Variants in ZNF212 observed in about 807,000 individuals in gnomAD.
The protein encoded by ZNF212 is zinc finger protein 212, also known as Zinc finger protein C2H2-150.
In ZNF212, 32 loss-of-function variants were observed where a neutral mutation model predicts 47.3. That is an observed-to-expected ratio of 0.68 (90% CI 0.51 to 0.91). The LOEUF (loss-of-function observed/expected upper bound fraction) is 0.91. Among genes scored for constraint, ZNF212 ranks in the 40% least tolerant of loss-of-function variants. ZNF212 has a pLI of 0.00. For synonymous variants in ZNF212, 242 were observed against 253.8 expected (o/e 0.95, Z 0.44); for missense variants, 555 against 622.8 (o/e 0.89, Z 1.16).
chr7:149,249,606 A>C (rs1796724183), intron 1 of ZNF212, among the ~76,000 whole-genome samples: 1 of 152,150 alleles, frequency 6.6e-6, no homozygotes, highest in South Asian at 2.1e-4. Flanking sequence ...TTAGAAATAC[A>C]CCAAAATTCA....
At position 149,254,562 on chromosome 7, in the gene ZNF212, C is replaced by T; in HGVS notation, c.*147C>T. Reference sequence around the variant, plus strand: ...CCCAGTACCAAGCCAAGCCCAAAGGCTGTCCTGAAAACCCTGTGGAAGAAG... The same window carrying T: ...CCCAGTACCAAGCCAAGCCCAAAGGTTGTCCTGAAAACCCTGTGGAAGAAG... On this transcript the variant is annotated 3_prime_UTR_variant, in exon 5 of 5. Coordinates refer to ENST00000335870, the MANE Select transcript of ZNF212 (RefSeq NM_012256.4). The surrounding 1 kb of genome is among the most constrained non-coding windows in gnomAD (Gnocchi z 4.5). The T allele has an allele frequency of 1.6e-6, 2 of 1,266,544 alleles. No individual in the cohort carries two copies. Among genetic ancestry groups the T allele is most frequent in the Non-Finnish European group, 2.1e-6 (2 of 948,682 alleles). 78.5% of individuals were successfully genotyped at this position (1,266,544 alleles called of 1,614,324 possible).
At chr7:149,252,056 G>T (rs1311226879) in intron 3 of ZNF212, among the ~76,000 whole-genome samples, 1 of 151,962 alleles carries the variant, frequency 6.6e-6, no homozygotes, top group East Asian at 1.9e-4. Flanking sequence ...ATTATAGCTG[G>T]TCATTGTGGT....
At chr7:149,240,791 C>T (rs1796576699) in intron 1 of ZNF212, among the ~76,000 whole-genome samples, 1 of 152,182 alleles carries the variant, frequency 6.6e-6, no homozygotes, top group Non-Finnish European at 1.5e-5. Context: ...GAATGGAGGG[C>T]TAAGGAAATT....
At chr7:149,241,469 A>G (rs995556465) in intron 1 of ZNF212, among the ~76,000 whole-genome samples, 4 of 151,612 alleles carry the variant, frequency 2.6e-5, no homozygotes, top group Admixed American at 6.6e-5. Flanking sequence ...CACAATCCCA[A>G]ACTATGCCTT....
chr7:149,246,160 T>C (rs1796673295), intron 1 of ZNF212, among the ~76,000 whole-genome samples: 1 of 152,250 alleles, frequency 6.6e-6, no homozygotes, highest in Admixed American at 6.5e-5. Flanking sequence ...AAATATTCTC[T>C]CCTTGTTTTT....
intron 1 of ZNF212, among the ~76,000 whole-genome samples, chr7:149,240,445 C>A (rs1423989321): frequency 7.5e-6 from 1 of 133,154 alleles, no homozygotes; most frequent in African/African-American, 2.7e-5. Flanking sequence ...TGTCAAGATA[C>A]GGAGTTTGGT....
At position 149,254,276 on chromosome 7, in the gene ZNF212, C is replaced by T. The variant is rs375757953; in HGVS notation, c.1349C>T (p.Thr450Met). 30 of 1,614,104 alleles carry T rather than the reference C, an allele frequency of 1.9e-5. 1 individual carries two copies. The highest frequency in any genetic ancestry group is 3.3e-5 in the Admixed American group (2 of 60,012). Residue 450 changes from threonine to methionine, a missense_variant, in exon 5 of 5, where the codon ACG (threonine) becomes ATG (methionine). Transcript: ENST00000335870. The surrounding 1 kb of genome is among the most constrained non-coding windows in gnomAD (Gnocchi z 4.5). ...SDLVRHQRIH[T>M]GERPYSCTEC... ...TTGGTGCGGCACCAGCGCATCCACA[C>T]GGGTGAGCGGCCCTACAGCTGCACT...
At chr7:149,240,382 A>ACCCC (rs71194632) in intron 1 of ZNF212, among the ~76,000 whole-genome samples, 32 of 109,414 alleles carry the variant, frequency 2.9e-4, no homozygotes, top group African/African-American at 8.4e-4. Flanking sequence ...TCTCTCCTTC[A>ACCCC]CCCCCCCCCC....
intron 1 of ZNF212, among the ~76,000 whole-genome samples, 179 bp from the exon 2 acceptor site, chr7:149,249,977 ATTC>A (rs1401711213): frequency 5.3e-5 from 8 of 152,070 alleles, no homozygotes; most frequent in Non-Finnish European, 1.0e-4. Flanking sequence ...TTTTCTTTCT[ATTC>A]TTCATCATTT....
chr7:149,246,428 G>C (rs960610505), intron 1 of ZNF212, among the ~76,000 whole-genome samples: 3 of 151,634 alleles, frequency 2.0e-5, no homozygotes, highest in African/African-American at 7.3e-5. Flanking sequence ...TGTTGCCCAG[G>C]CTGGAGTGCA....
chr7:149,248,971 T>C (rs746048750), intron 1 of ZNF212, among the ~76,000 whole-genome samples: 1 of 152,194 alleles, frequency 6.6e-6, no homozygotes, highest in Non-Finnish European at 1.5e-5. Flanking sequence ...ATATTTCCTC[T>C]AGTGTCTCGG....
chr7:149,250,059 TAAAAG>T, intron 1 of ZNF212, 95 bp from the exon 2 acceptor site: 1 of 1,197,748 alleles, frequency 8.3e-7, no homozygotes, highest in East Asian at 2.7e-5. Context: ...TTTTTTTAAT[TAAAAG>T]AAACTAGATA....
intron 1 of ZNF212, among the ~76,000 whole-genome samples, chr7:149,241,367 G>A (rs943940991): frequency 1.3e-5 from 2 of 150,264 alleles, no homozygotes; most frequent in Admixed American, 1.3e-4. Context: ...GGGAGGTGGA[G>A]GTTGCAGTGA....
intron 1 of ZNF212, among the ~76,000 whole-genome samples, chr7:149,244,742 A>T (rs182477072): frequency 6.6e-6 from 1 of 152,174 alleles, no homozygotes; most frequent in African/African-American, 2.4e-5. Flanking sequence ...TCCCATGTCT[A>T]TTGGTTGATG....
chr7:149,251,918 G>A (rs996100505), intron 3 of ZNF212, among the ~76,000 whole-genome samples: 1 of 140,110 alleles, frequency 7.1e-6, no homozygotes, highest in East Asian at 2.0e-4. Flanking sequence ...CAGCCTGGTC[G>A]ACATAGTGAG....
intron 1 of ZNF212, among the ~76,000 whole-genome samples, chr7:149,245,060 C>A (rs959004894): frequency 5.9e-5 from 9 of 152,064 alleles, no homozygotes; most frequent in African/African-American, 1.9e-4. Flanking sequence ...AAAATGGAGT[C>A]TCAAAAGGCT....
At position 149,250,075 on chromosome 7, in the gene ZNF212, ACT is replaced by A. The variant is rs1352769102; in HGVS notation, c.25-81_25-80del. 6.9e-6 allele frequency: 9 copies of A among 1,310,456 alleles called. No individual in the cohort carries two copies. In the African/African-American group the frequency reaches 1.2e-4, roughly 17 times the overall value. The allele number at this position is 1,310,456 out of a possible 1,614,324, so 81.2% of individuals were successfully genotyped here. A position where few individuals can be genotyped will look rare whatever the true frequency, so the allele number is the denominator to read the frequency against. ...TTTTTTAATTAAAAGAAACTAGATA[ACT>A]CTGAGCACTGATACACTTGAACACT... On this transcript the variant is annotated intron_variant, in intron 1 of 4. Transcript: ENST00000335870.
chr7:149,244,020 C>T (rs530223048), intron 1 of ZNF212, among the ~76,000 whole-genome samples: 4 of 152,320 alleles, frequency 2.6e-5, no homozygotes, highest in South Asian at 4.1e-4. Context: ...CTTGCAACCT[C>T]TGCCTCCCAG....
rs749644106 is a variant in ZNF212 at position 149,254,102 on chromosome 7, T to C, written c.1175T>C (p.Leu392Pro). The C allele has an allele frequency of 6.2e-7, 1 of 1,613,420 alleles. No individual in the cohort carries two copies. The highest frequency in any genetic ancestry group is 1.7e-5 in the Admixed American group (1 of 59,886). The change falls in exon 5 of 5, where the codon CTG (leucine) becomes CCG (proline). Residue 392 changes from leucine (L) to proline (P), a missense_variant. Leu to Pro is a moderately conservative substitution (Grantham distance 98). Transcript: ENST00000335870. This position sits in a 1 kb window ranked among gnomAD's most constrained non-coding sequence, Gnocchi z 4.5. ...CTGGTGACCCATCAGCGTTGCCACC[T>C]GCAGGAGGGGCCCAGTGCCGGCCAG... ...VSLVTHQRCH[L>P]QEGPSAGQHV...
Sources: gnomAD v4.1 joint callset for allele counts (sites outside exome capture counted in the v4.1 genomes callset) on GRCh38, gnomAD v4.1.1 for gene constraint, Gnocchi (gnomAD v3.1) non-coding constraint, MANE v1.5 for transcripts, NCBI Gene and HGNC (gene_info 2026-07-23, HGNC 2026-07-21) for gene names.